ENOX1: variants seen among roughly 807,000 people sequenced by gnomAD.
ENOX1 encodes ecto-NOX disulfide-thiol exchanger 1.
A neutral mutation model predicts 82.5 loss-of-function variants in ENOX1; 42 were observed. The ratio of observed to expected loss-of-function variants is 0.51; its 90% CI spans 0.40 to 0.66. The LOEUF is 0.66. Ranked by LOEUF, ENOX1 falls within the 30% of genes least tolerant of loss-of-function variation. The pLI, the probability that ENOX1 is intolerant of heterozygous loss-of-function variation, is 0.00. For synonymous variants in ENOX1, 271 were observed against 282.2 expected, an observed-to-expected ratio of 0.96 and a Z score of 0.40; for missense variants, 608 against 811.6, an observed-to-expected ratio of 0.75 and a Z score of 3.05.
At chr13:43,288,283 T>C (rs941601289) in intron 12 of ENOX1, among the ~76,000 whole-genome samples, 1 of 152,194 alleles carries the variant, frequency 6.6e-6, no homozygotes, top group Non-Finnish European at 1.5e-5. Flanking sequence ...TTTCTGATTC[T>C]AGTAAAATGT....
At chr13:43,438,472 C>T (rs1594605484) in intron 3 of ENOX1, among the ~76,000 whole-genome samples, 1 of 152,274 alleles carries the variant, frequency 6.6e-6, no homozygotes, top group South Asian at 2.1e-4. Flanking sequence ...AAATGAATCC[C>T]AGGTTTCCAC....
intron 1 of ENOX1, among the ~76,000 whole-genome samples, chr13:43,686,276 T>C (rs1472031315): frequency 2.0e-5 from 3 of 152,170 alleles, no homozygotes; most frequent in Non-Finnish European, 2.9e-5. Context: ...GAAGCTTTAG[T>C]AACTCATTCA....
At chr13:43,487,171 CAAA>C (rs79661442) in intron 2 of ENOX1, among the ~76,000 whole-genome samples, 2 of 95,224 alleles carry the variant, frequency 2.1e-5, no homozygotes, top group Non-Finnish European at 2.2e-5. Flanking sequence ...GACTCTGTCT[CAAA>C]AAAAAAAAAA....
At chr13:43,265,077 C>G (rs974261968) in intron 14 of ENOX1, among the ~76,000 whole-genome samples, 3 of 152,180 alleles carry the variant, frequency 2.0e-5, no homozygotes, top group Non-Finnish European at 4.4e-5. Flanking sequence ...AACTGATTAC[C>G]CTGTCGGGTC....
Position 43,786,162 on chromosome 13 carries a change from G to A in ENOX1, c.-285+490C>T, listed in dbSNP as rs948135191. ...TCCGGCCCGCAGCAGAGCGGAGTCC[G>A]CCAAGGCTGGAGGAAAAGGGATGCA... On this transcript the variant is annotated intron_variant, in intron 1 of 16. Transcript: ENST00000690772. This position sits in a 1 kb window ranked among gnomAD's most constrained non-coding sequence, Gnocchi z 6.0. 2.0e-5 allele frequency among the ~76,000 whole-genome samples: 3 copies of A among 152,206 alleles called. No homozygotes were observed. The highest frequency in any genetic ancestry group is 1.3e-4 in the Admixed American group (2 of 15,290).
intron 3 of ENOX1, among the ~76,000 whole-genome samples, chr13:43,425,128 T>G (rs1346897233): frequency 6.6e-6 from 1 of 152,098 alleles, no homozygotes; most frequent in Non-Finnish European, 1.5e-5. Flanking sequence ...CATACATGAT[T>G]CAGAAGCTGA....
chr13:43,256,908 C>A (rs542056821), intron 14 of ENOX1, among the ~76,000 whole-genome samples: 2 of 152,202 alleles, frequency 1.3e-5, no homozygotes, highest in South Asian at 4.2e-4. Context: ...AACCTAGTGT[C>A]CATCGTCAGA....
chr13:43,447,017 G>A (rs1381211341), intron 3 of ENOX1, among the ~76,000 whole-genome samples: 4 of 152,228 alleles, frequency 2.6e-5, no homozygotes, highest in African/African-American at 9.6e-5. Context: ...AGAGGGCCAT[G>A]AGAACATAGT....
At chr13:43,593,669 T>TACACAC (rs58120566) in intron 2 of ENOX1, among the ~76,000 whole-genome samples, 6 of 69,246 alleles carry the variant, frequency 8.7e-5, no homozygotes, top group African/African-American at 3.6e-4. Context: ...CCAATCTCTG[T>TACACAC]ACACACACAC....
intron 5 of ENOX1, among the ~76,000 whole-genome samples, chr13:43,385,199 TTA>T (rs574740308): frequency 2.9e-4 from 44 of 151,850 alleles, no homozygotes; most frequent in African/African-American, 1.0e-3. Flanking sequence ...GGAGAAAATT[TTA>T]TCTTATAATA....
intron 8 of ENOX1, among the ~76,000 whole-genome samples, chr13:43,346,812 T>TG (rs2049411425): frequency 1.3e-5 from 2 of 152,160 alleles, no homozygotes; most frequent in Non-Finnish European, 2.9e-5. Flanking sequence ...CACCAATATA[T>TG]GTTAGGAGAA....
At chr13:43,687,207 C>T (rs952348866) in intron 1 of ENOX1, among the ~76,000 whole-genome samples, 1 of 152,180 alleles carries the variant, frequency 6.6e-6, no homozygotes, top group Non-Finnish European at 1.5e-5. Flanking sequence ...TCTGGTATCA[C>T]ATTTAACAAA....
At chr13:43,684,095 C>A (rs1441288944) in intron 1 of ENOX1, among the ~76,000 whole-genome samples, 188 of 106,384 alleles carry the variant, frequency 1.8e-3, no homozygotes, top group Middle Eastern at 4.9e-3. Context: ...GACTCTGTCT[C>A]AAAAAAAAAA....
chr13:43,730,411 A>G (rs142765021), intron 1 of ENOX1, among the ~76,000 whole-genome samples: 1,607 of 152,250 alleles, frequency 0.011, 35 homozygotes, highest in African/African-American at 0.036. Flanking sequence ...GGTTCATTCT[A>G]TATTTCTCAA....
At chr13:43,700,723 C>T (rs905256398) in intron 1 of ENOX1, among the ~76,000 whole-genome samples, 1 of 152,036 alleles carries the variant, frequency 6.6e-6, no homozygotes, top group Non-Finnish European at 1.5e-5. Context: ...AAATTATAGT[C>T]ACATGATAGT....
chr13:43,253,032 CT>C (rs2043545471), intron 14 of ENOX1, among the ~76,000 whole-genome samples: 1 of 152,196 alleles, frequency 6.6e-6, no homozygotes, highest in Admixed American at 6.5e-5. Flanking sequence ...TACTTGTAGA[CT>C]GACATTTGAG....
chr13:43,253,679 G>C (rs1407795493), intron 14 of ENOX1, among the ~76,000 whole-genome samples: 1 of 152,212 alleles, frequency 6.6e-6, no homozygotes, highest in African/African-American at 2.4e-5. Flanking sequence ...CTCCTGAGTA[G>C]CATACAGAAC....
chr13:43,427,477 T>C (rs935717535), intron 3 of ENOX1, among the ~76,000 whole-genome samples: 3 of 152,214 alleles, frequency 2.0e-5, no homozygotes, highest in African/African-American at 7.2e-5. Context: ...TGTTACAGAT[T>C]TGGGGAACTC....
intron 16 of ENOX1, among the ~76,000 whole-genome samples, chr13:43,221,373 T>C (rs1041745251): frequency 1.3e-5 from 2 of 152,228 alleles, no homozygotes; most frequent in African/African-American, 4.8e-5. Flanking sequence ...GAGGTTGGGC[T>C]TGATGGGCCC....
Sources: gnomAD v4.1 joint callset for allele counts (sites outside exome capture counted in the v4.1 genomes callset) on GRCh38, gnomAD v4.1.1 for gene constraint, Gnocchi (gnomAD v3.1) non-coding constraint, MANE v1.5 for transcripts, NCBI Gene and HGNC (gene_info 2026-07-23, HGNC 2026-07-21) for gene names.